The following STAU2 variants were observed in gnomAD, a reference collection of about 807,000 sequenced individuals.
The protein encoded by STAU2 is double-stranded RNA-binding protein Staufen homolog 2.
Under a neutral mutation model 65.9 loss-of-function variants are expected in STAU2, and 20 were observed. The observed-to-expected ratio is 0.30, with a 90% CI of 0.21 to 0.44. The LOEUF (loss-of-function observed/expected upper bound fraction) is 0.44, where lower values mean the gene tolerates loss of function less well. Ranked by LOEUF, STAU2 falls within the 20% of genes least tolerant of loss-of-function variation. The pLI is 1.00. For synonymous variants in STAU2, 232 were observed against 233.9 expected, an observed-to-expected ratio of 0.99 and a Z score of 0.07; for missense variants, 558 against 683.9, an observed-to-expected ratio of 0.82 and a Z score of 2.05.
chr8:73,475,704 C>T (rs1449126694), intron 13 of STAU2, among the ~76,000 whole-genome samples: 1 of 152,186 alleles, frequency 6.6e-6, no homozygotes, highest in Non-Finnish European at 1.5e-5. Context: ...CCTTTGGAAA[C>T]AATCATGCTA....
At chr8:73,566,622 G>A (rs182142762) in intron 12 of STAU2, among the ~76,000 whole-genome samples, 1 of 152,068 alleles carries the variant, frequency 6.6e-6, no homozygotes, top group Non-Finnish European at 1.5e-5. Flanking sequence ...CTGTCTAGTG[G>A]CAACTGCAGA....
intron 9 of STAU2, among the ~76,000 whole-genome samples, chr8:73,610,386 A>C (rs1812361331): frequency 6.6e-6 from 1 of 151,970 alleles, no homozygotes; most frequent in Non-Finnish European, 1.5e-5. Flanking sequence ...AAAAATACCA[A>C]AATTAGCTAG....
At chr8:73,545,577 T>C (rs1806851358) in intron 13 of STAU2, among the ~76,000 whole-genome samples, 1 of 151,678 alleles carries the variant, frequency 6.6e-6, no homozygotes, top group East Asian at 1.9e-4. Context: ...TGTTTACATA[T>C]AAAATTTTAC....
At chr8:73,542,760 T>C (rs1052323988) in intron 13 of STAU2, among the ~76,000 whole-genome samples, 1 of 152,138 alleles carries the variant, frequency 6.6e-6, no homozygotes, top group African/African-American at 2.4e-5. Context: ...AAGATATCAA[T>C]GAGACACCAT....
At chr8:73,745,902 T>C (rs557360645) in intron 1 of STAU2, among the ~76,000 whole-genome samples, 1 of 152,160 alleles carries the variant, frequency 6.6e-6, no homozygotes, top group African/African-American at 2.4e-5. Context: ...CAGAGTGGCG[T>C]GCTTCTCAAT....
intron 4 of STAU2, among the ~76,000 whole-genome samples, chr8:73,692,173 T>TCA (rs1411302025): frequency 6.6e-6 from 1 of 150,876 alleles, no homozygotes; most frequent in Admixed American, 6.6e-5. Flanking sequence ...ATTTCCCTTC[T>TCA]CACACACTTC....
chr8:73,553,039 A>C (rs570323088), intron 12 of STAU2, among the ~76,000 whole-genome samples: 1 of 152,290 alleles, frequency 6.6e-6, no homozygotes, highest in South Asian at 2.1e-4. Context: ...CTAGTGCATT[A>C]ATTCAAGCCA....
intron 1 of STAU2, among the ~76,000 whole-genome samples, chr8:73,740,954 A>C (rs1806813405): frequency 6.6e-6 from 1 of 150,940 alleles, no homozygotes; most frequent in Non-Finnish European, 1.5e-5. Context: ...GCAGTGAGCC[A>C]AGATCATGCC....
intron 6 of STAU2, among the ~76,000 whole-genome samples, chr8:73,647,581 C>CTTTT (rs1312989276): frequency 3.6e-5 from 5 of 139,092 alleles, no homozygotes; most frequent in Admixed American, 2.9e-4. Context: ...AATTCTGCAT[C>CTTTT]TTTTTTTTTT....
intron 13 of STAU2, among the ~76,000 whole-genome samples, chr8:73,425,431 G>A (rs1025977055): frequency 4.6e-5 from 7 of 152,078 alleles, no homozygotes; most frequent in African/African-American, 1.7e-4. Context: ...GAGGGGCCTG[G>A]GACAGATTCT....
intron 6 of STAU2, among the ~76,000 whole-genome samples, chr8:73,639,239 ATAGTATAT>A (rs1337441563): frequency 1.3e-5 from 2 of 152,052 alleles, no homozygotes; most frequent in Non-Finnish European, 2.9e-5. Context: ...ATTTTCTTTA[ATAGTATAT>A]TTTATTCAAT....
chr8:73,617,119 C>T (rs1248689971), intron 7 of STAU2, among the ~76,000 whole-genome samples, 173 bp downstream of exon 7: 1 of 152,194 alleles, frequency 6.6e-6, no homozygotes, highest in Non-Finnish European at 1.5e-5. Context: ...AAGGGAAGAA[C>T]CAAAGCTCTG....
chr8:73,609,265 G>A (rs1812262260), intron 9 of STAU2, among the ~76,000 whole-genome samples: 1 of 151,978 alleles, frequency 6.6e-6, no homozygotes, highest in African/African-American at 2.4e-5. Context: ...CTTCACTGTT[G>A]CAATGGTTAG....
intron 5 of STAU2, among the ~76,000 whole-genome samples, chr8:73,687,732 GAC>G (rs1484795068): frequency 2.6e-5 from 4 of 151,284 alleles, no homozygotes; most frequent in Non-Finnish European, 5.9e-5. Flanking sequence ...TGTTTTTTGA[GAC>G]AGAGTCTCGC....
chr8:73,621,232 T>A (rs546759592), intron 6 of STAU2, among the ~76,000 whole-genome samples: 2 of 152,124 alleles, frequency 1.3e-5, no homozygotes, highest in Non-Finnish European at 2.9e-5. Context: ...CCCCATGGTA[T>A]TCTCATGATA....
At chr8:73,581,310 G>C (rs759505986) in intron 12 of STAU2, among the ~76,000 whole-genome samples, 4 of 152,022 alleles carry the variant, frequency 2.6e-5, no homozygotes, top group Non-Finnish European at 5.9e-5. Flanking sequence ...AAAAAGTTTA[G>C]TGCCTGAATG....
chr8:73,507,122 G>A (rs1368401409), intron 13 of STAU2, among the ~76,000 whole-genome samples: 1 of 152,100 alleles, frequency 6.6e-6, no homozygotes, highest in Non-Finnish European at 1.5e-5. Context: ...TGTTGATAAT[G>A]TTGACCTCCT....
At chr8:73,570,472 G>C (rs530118952) in intron 12 of STAU2, among the ~76,000 whole-genome samples, 1 of 152,306 alleles carries the variant, frequency 6.6e-6, no homozygotes, top group East Asian at 1.9e-4. Context: ...ATCTACGTCT[G>C]ACTGGTGTAC....
chr8:73,747,057 AAGCG>A, upstream of STAU2: 1 of 229,044 alleles, frequency 4.4e-6, no homozygotes, highest in Non-Finnish European at 7.8e-6. Flanking sequence ...GCCCGCGACC[AAGCG>A]CGGCCATTGT....
Sources: allele counts gnomAD v4.1 joint callset (sites outside exome capture counted in the v4.1 genomes callset), GRCh38; gene constraint gnomAD v4.1.1; transcripts MANE v1.5; gene names NCBI Gene and HGNC (gene_info 2026-07-23, HGNC 2026-07-21).